SIPA1L1: variants seen among roughly 807,000 people sequenced by gnomAD.
The protein encoded by SIPA1L1 is signal-induced proliferation-associated 1-like protein 1.
Under a neutral mutation model 162.7 loss-of-function variants are expected in SIPA1L1, and 26 were observed. The observed-to-expected ratio is 0.16, with a 90% confidence interval of 0.12 to 0.22. The LOEUF is 0.22. SIPA1L1 is among the 10% of genes least tolerant of loss of function. The pLI is 1.00. For synonymous variants in SIPA1L1, 829 were observed against 837.4 expected (o/e 0.99, Z 0.17); for missense variants, 1,874 against 2,241.0 (o/e 0.84, Z 3.31).
chr14:71,377,405 C>T lies in SIPA1L1; in HGVS notation c.-465+56224C>T, dbSNP rs1250814918. 1.3e-5 allele frequency among the ~76,000 whole-genome samples: 2 copies of T among 152,008 alleles called. No individual in the cohort carries two copies. Among genetic ancestry groups the T allele is most frequent in the Admixed American group, 6.5e-5 (1 of 15,278 alleles). Reference sequence around the variant, plus strand: ...GTCGCGGCCGGGCAGAGGCACTCCTCACCTCCCAGACAGGGTGGCAGCCGG... The same window carrying T: ...GTCGCGGCCGGGCAGAGGCACTCCTTACCTCCCAGACAGGGTGGCAGCCGG... On this transcript the variant is annotated intron_variant, in intron 2 of 23. Transcript: ENST00000381232. The surrounding 1 kb of genome is among the most constrained non-coding windows in gnomAD (Gnocchi z 4.8).
intron 20 of SIPA1L1, among the ~76,000 whole-genome samples, chr14:71,732,174 G>C (rs903107513): frequency 6.6e-6 from 1 of 152,186 alleles, no homozygotes; most frequent in Non-Finnish European, 1.5e-5. Context: ...CTGTACTTCA[G>C]AGAAGTTCTT....
intron 4 of SIPA1L1, among the ~76,000 whole-genome samples, chr14:71,543,272 A>C (rs1191214025): frequency 6.6e-6 from 1 of 152,232 alleles, no homozygotes; most frequent in Admixed American, 6.5e-5. Flanking sequence ...ATATCCAACA[A>C]AATGCAAAGG....
intron 2 of SIPA1L1, among the ~76,000 whole-genome samples, chr14:71,456,702 AAG>A (rs1288597156): frequency 7.9e-5 from 12 of 152,278 alleles, no homozygotes; most frequent in Non-Finnish European, 1.5e-4. Context: ...CAGTTCTAAA[AAG>A]CTTTTACATT....
intron 20 of SIPA1L1, among the ~76,000 whole-genome samples, chr14:71,733,008 C>A (rs1224080555): frequency 6.6e-6 from 1 of 152,186 alleles, no homozygotes; most frequent in South Asian, 2.1e-4. Flanking sequence ...GTCAGGAGTT[C>A]AAGACCAGCC....
intron 12 of SIPA1L1, among the ~76,000 whole-genome samples, chr14:71,678,733 C>A (rs1050450089): frequency 2.6e-5 from 4 of 151,138 alleles, no homozygotes; most frequent in African/African-American, 9.7e-5. Context: ...CCTCCTTGTA[C>A]CTCTGGTAGA....
rs571559280 is a variant in SIPA1L1, at chr14:71,664,289, G to C, written c.2255+2822G>C. Among the ~76,000 whole-genome samples, 27 of 152,260 alleles carry C rather than the reference G, an allele frequency of 1.8e-4. 1 individual carries two copies. The highest frequency in any genetic ancestry group is 1.4e-3 in the Admixed American group (22 of 15,290). ...ATGAATTTATAGGCCTGTTTTATTA[G>C]GGGTGGTTTGGTGGAAAAACTTAGA... On this transcript the variant is annotated intron_variant, in intron 10 of 23. Transcript: ENST00000381232.
chr14:71,375,625 T>C (rs1161319556), intron 2 of SIPA1L1, among the ~76,000 whole-genome samples: 3 of 152,182 alleles, frequency 2.0e-5, no homozygotes. Context: ...TAGAAAGTGG[T>C]GATATCAAGC....
At chr14:71,549,302 A>C (rs191434928) in intron 4 of SIPA1L1, among the ~76,000 whole-genome samples, 8 of 152,128 alleles carry the variant, frequency 5.3e-5, no homozygotes, top group Admixed American at 5.2e-4. Context: ...CATCTAGGGA[A>C]GAGACTACCT....
chr14:71,330,636 G>T, intron 2 of SIPA1L1: 1 of 905,436 alleles, frequency 1.1e-6, no homozygotes, highest in Non-Finnish European at 1.9e-6. Flanking sequence ...GCGGAAACTG[G>T]GTCAACTCAT....
chr14:71,433,019 G>A (rs866151931), intron 2 of SIPA1L1, among the ~76,000 whole-genome samples: 1 of 152,112 alleles, frequency 6.6e-6, no homozygotes, highest in Non-Finnish European at 1.5e-5. Flanking sequence ...ATGGAAAGGG[G>A]TATAATAGAG....
At chr14:71,350,821 A>G (rs193444) in intron 2 of SIPA1L1, among the ~76,000 whole-genome samples, 34,195 of 152,150 alleles carry the variant, frequency 0.22, 5,000 homozygotes, top group Non-Finnish European at 0.31. Flanking sequence ...TTTGATTTCA[A>G]CGGAATATTT....
chr14:71,588,473 T>C lies in SIPA1L1; in HGVS notation c.601T>C (p.Ser201Pro). 1.2e-6 allele frequency: 2 copies of C among 1,614,124 alleles called. No individual in the cohort carries two copies. The highest frequency in any genetic ancestry group is 1.1e-5 in the South Asian group (1 of 91,082). ...CTCACCTACATACAAGACTGGACCATCACTGCACAGGGAATATGGTAGCAC... is the reference window on the plus strand; with the variant it reads ...CTCACCTACATACAAGACTGGACCACCACTGCACAGGGAATATGGTAGCAC... ...CISPTYKTGP[S>P]LHREYGSTSS... Residue 201 changes from serine to proline, a missense_variant, in exon 5 of 24, where the codon TCA (serine) becomes CCA (proline). Coordinates refer to ENST00000381232, the MANE Select transcript of SIPA1L1 (RefSeq NM_001386936.1). This position sits in a 1 kb window ranked among gnomAD's most constrained non-coding sequence, Gnocchi z 4.3.
rs565997177 is a variant in SIPA1L1 at position 71,384,185 on chromosome 14, A to G, written c.-465+63004A>G. Among the ~76,000 whole-genome samples, 7 of 152,356 alleles carry G rather than the reference A, an allele frequency of 4.6e-5. No homozygotes were observed. In the South Asian group the frequency reaches 1.2e-3, roughly 27 times the overall value. ...GCTGAATAAAGATCAGATAAGTCCA[A>G]CGGAATGAAAGGGAAGGTGATGAAT... On this transcript the variant is annotated intron_variant, in intron 2 of 23. Coordinates refer to ENST00000381232, the MANE Select transcript of SIPA1L1 (RefSeq NM_001386936.1).
intron 2 of SIPA1L1, among the ~76,000 whole-genome samples, chr14:71,474,187 TA>T (rs2047677570): frequency 1.3e-5 from 2 of 152,150 alleles, no homozygotes; most frequent in Admixed American, 6.5e-5. Context: ...ATAATGCAAA[TA>T]AAAATGAGCC....
intron 5 of SIPA1L1, among the ~76,000 whole-genome samples, chr14:71,607,841 T>C (rs2037711488): frequency 6.6e-6 from 1 of 152,182 alleles, no homozygotes; most frequent in Non-Finnish European, 1.5e-5. Flanking sequence ...TGCTTGCTGA[T>C]TTCCATATTC....
intron 2 of SIPA1L1, among the ~76,000 whole-genome samples, chr14:71,391,929 G>A (rs556583401): frequency 6.6e-6 from 1 of 152,322 alleles, no homozygotes; most frequent in Non-Finnish European, 1.5e-5. Flanking sequence ...GAAGTAGACT[G>A]CTGTACTGGT....
At chr14:71,414,847 CTG>C (rs1216954432) in intron 2 of SIPA1L1, among the ~76,000 whole-genome samples, 13 of 152,276 alleles carry the variant, frequency 8.5e-5, no homozygotes, top group African/African-American at 3.1e-4. Flanking sequence ...CTTCGAGTGA[CTG>C]TACTGGCTTA....
At chr14:71,360,961 AC>A (rs1250440455) in intron 2 of SIPA1L1, among the ~76,000 whole-genome samples, 1 of 152,176 alleles carries the variant, frequency 6.6e-6, no homozygotes, top group Admixed American at 6.5e-5. Context: ...TCCTAGATGT[AC>A]TGGTTTTGGC....
rs1348025778 is a variant in SIPA1L1 at position 71,377,562 on chromosome 14, T to G, written c.-465+56381T>G. 6.6e-6 allele frequency among the ~76,000 whole-genome samples: 1 copy of G among 151,874 alleles called. No homozygotes were observed. The highest frequency in any genetic ancestry group is 2.4e-5 in the African/African-American group (1 of 41,336). ...CAGCCAGGCAGAGACGCTCCTCACT[T>G]CCTACACGGGGTGGCGGCCGGGCAG... On this transcript the variant is annotated intron_variant, in intron 2 of 23. Transcript: ENST00000381232. The surrounding 1 kb of genome is among the most constrained non-coding windows in gnomAD (Gnocchi z 4.8).
Sources: gnomAD v4.1 joint callset for allele counts (sites outside exome capture counted in the v4.1 genomes callset) on GRCh38, gnomAD v4.1.1 for gene constraint, Gnocchi (gnomAD v3.1) non-coding constraint, MANE v1.5 for transcripts, NCBI Gene and HGNC (gene_info 2026-07-23, HGNC 2026-07-21) for gene names.